Variants in SPMIP11 observed in about 807,000 individuals in gnomAD.
SPMIP11 encodes the protein long intergenic non-protein coding RNA 935.
chr12:48,729,707 TAAAAAAA>T, the SPMIP11 span, among the ~76,000 whole-genome samples: 2 of 112,466 alleles, frequency 1.8e-5, no homozygotes, highest in Admixed American at 9.6e-5. Context: ...AGACTCCGTC[TAAAAAAA>T]AAAAAAAAAA....
the SPMIP11 span, among the ~76,000 whole-genome samples, chr12:48,763,946 G>A: frequency 0.013 from 1,988 of 151,396 alleles, 38 homozygotes; most frequent in African/African-American, 0.045. Context: ...TAAAAGTGCC[G>A]GGATTACAGG....
the SPMIP11 span, among the ~76,000 whole-genome samples, chr12:48,759,993 G>A: frequency 6.6e-6 from 1 of 151,934 alleles, no homozygotes; most frequent in Non-Finnish European, 1.5e-5. Flanking sequence ...TTTTAGTAGA[G>A]GTTGGTTTGT....
the SPMIP11 span, among the ~76,000 whole-genome samples, chr12:48,753,666 T>C: frequency 2.0e-5 from 3 of 151,712 alleles, no homozygotes; most frequent in African/African-American, 4.8e-5. Flanking sequence ...GCACTGTTGT[T>C]CTGGCTTTTC....
chr12:48,728,660 A>G, the SPMIP11 span, among the ~76,000 whole-genome samples: 167 of 150,860 alleles, frequency 1.1e-3, no homozygotes, highest in African/African-American at 3.9e-3. Flanking sequence ...GTGAGCTGAA[A>G]TCGAGCCACT....
At chr12:48,759,299 A>G in the SPMIP11 span, 1 of 702,978 alleles carries the variant, frequency 1.4e-6, no homozygotes, top group Middle Eastern at 2.3e-4. Flanking sequence ...ACAAGATACC[A>G]CGAAGCTGTC....
the SPMIP11 span, among the ~76,000 whole-genome samples, chr12:48,752,889 C>T: frequency 1.4e-4 from 21 of 152,182 alleles, no homozygotes; most frequent in African/African-American, 4.8e-4. Context: ...CCAGGCTGGT[C>T]TCGAACTATC....
chr12:48,761,040 C>G, the SPMIP11 span, among the ~76,000 whole-genome samples: 60 of 152,300 alleles, frequency 3.9e-4, no homozygotes, highest in African/African-American at 1.4e-3. Context: ...TAACCACAAC[C>G]TCTCTGAACC....
At chr12:48,765,326 G>C in the SPMIP11 span, among the ~76,000 whole-genome samples, 8 of 152,164 alleles carry the variant, frequency 5.3e-5, no homozygotes, top group African/African-American at 1.9e-4. Flanking sequence ...CTGCCACCCA[G>C]GTTCAAGCAA....
At chr12:48,733,405 T>C in the SPMIP11 span, among the ~76,000 whole-genome samples, 1 of 152,164 alleles carries the variant, frequency 6.6e-6, no homozygotes, top group Non-Finnish European at 1.5e-5. Context: ...TTACTTTGAC[T>C]TAATATAGTA....
the SPMIP11 span, among the ~76,000 whole-genome samples, chr12:48,748,622 G>T: frequency 2.9e-3 from 445 of 152,062 alleles, 3 homozygotes; most frequent in African/African-American, 0.01. Flanking sequence ...ACATTTCCTG[G>T]TTCCATTCAC....
chr12:48,755,769 C>T, the SPMIP11 span, among the ~76,000 whole-genome samples: 5 of 152,062 alleles, frequency 3.3e-5, no homozygotes, highest in South Asian at 2.1e-4. Context: ...CCTGAGGCCT[C>T]GGGAACAGAC....
the SPMIP11 span, among the ~76,000 whole-genome samples, chr12:48,755,063 C>T: frequency 6.6e-6 from 1 of 152,198 alleles, no homozygotes; most frequent in Non-Finnish European, 1.5e-5. Context: ...CCAGTTGCAA[C>T]AAACAGAGGC....
the SPMIP11 span, among the ~76,000 whole-genome samples, chr12:48,760,802 C>T: frequency 1.3e-5 from 2 of 152,218 alleles, no homozygotes; most frequent in African/African-American, 4.8e-5. Context: ...GCTGGGATTA[C>T]AGGCGTGAGC....
the SPMIP11 span, among the ~76,000 whole-genome samples, chr12:48,761,341 C>T: frequency 7.3e-5 from 11 of 151,626 alleles, no homozygotes; most frequent in African/African-American, 2.7e-4. Flanking sequence ...ATCCCAGATA[C>T]TTGATAGGCT....
At chr12:48,733,304 A>C in the SPMIP11 span, among the ~76,000 whole-genome samples, 1 of 151,636 alleles carries the variant, frequency 6.6e-6, no homozygotes, top group African/African-American at 2.4e-5. Flanking sequence ...CAAACTCCTG[A>C]CCTCAAGTGA....
chr12:48,753,449 C>A, the SPMIP11 span, among the ~76,000 whole-genome samples: 1 of 152,224 alleles, frequency 6.6e-6, no homozygotes, highest in South Asian at 2.1e-4. Flanking sequence ...AAAGGCTCAA[C>A]CTTGAGTTTC....
At chr12:48,762,122 G>GGCGCA in the SPMIP11 span, among the ~76,000 whole-genome samples, 2 of 135,488 alleles carry the variant, frequency 1.5e-5, no homozygotes, top group Non-Finnish European at 3.1e-5. Context: ...GCAGTGGCGC[G>GGCGCA]ATCTCGGCTC....
At chr12:48,761,234 G>T in the SPMIP11 span, among the ~76,000 whole-genome samples, 1 of 151,926 alleles carries the variant, frequency 6.6e-6, no homozygotes, top group Non-Finnish European at 1.5e-5. Context: ...ATCACTTGAG[G>T]TCAGGAGTTC....
the SPMIP11 span, among the ~76,000 whole-genome samples, chr12:48,734,717 T>G: frequency 6.6e-6 from 1 of 151,614 alleles, no homozygotes; most frequent in East Asian, 2.0e-4. Context: ...AAGCAGAGAG[T>G]TTGGCCAGGC....
Sources: allele counts gnomAD v4.1 joint callset (sites outside exome capture counted in the v4.1 genomes callset), GRCh38; gene constraint gnomAD v4.1.1; transcripts MANE v1.5; gene names NCBI Gene and HGNC (gene_info 2026-07-23, HGNC 2026-07-21).